The following ATP1B3 variants were observed in gnomAD, a reference collection of about 807,000 sequenced individuals.
ATP1B3 encodes ATPase Na+/K+ transporting subunit beta 3.
ATP1B3 carries 10 observed loss-of-function variants against 30.2 expected under a neutral mutation model. The ratio of observed to expected loss-of-function variants is 0.33; its 90% CI spans 0.20 to 0.56. The LOEUF is 0.56. ATP1B3 is among the 20% of genes least tolerant of loss of function. The pLI is 0.90. For synonymous variants in ATP1B3, 113 were observed against 117.0 expected, an observed-to-expected ratio of 0.97 and a Z score of 0.22; for missense variants, 238 against 336.7, an observed-to-expected ratio of 0.71 and a Z score of 2.29.
intron 1 of ATP1B3, among the ~76,000 whole-genome samples, chr3:141,890,884 C>T (rs547763557): frequency 6.6e-6 from 1 of 152,326 alleles, no homozygotes; most frequent in South Asian, 2.1e-4. Flanking sequence ...GTGTTATGTT[C>T]TTACTGGTTA....
intron 2 of ATP1B3, among the ~76,000 whole-genome samples, chr3:141,904,274 TTGAG>T (rs1305307365): frequency 6.6e-6 from 1 of 151,786 alleles, no homozygotes; most frequent in Non-Finnish European, 1.5e-5. Flanking sequence ...TCTTGAGAGT[TTGAG>T]TGGGTTTGTT....
chr3:141,895,183 CTTTTCTTTTTTTT>C (rs1934038653), intron 1 of ATP1B3, among the ~76,000 whole-genome samples: 1 of 133,044 alleles, frequency 7.5e-6, no homozygotes, highest in African/African-American at 2.8e-5. Flanking sequence ...TTTTTTCTTT[CTTTTCTTTTTTTT>C]TTTTTTTTTT....
At chr3:141,924,818 T>C (rs921735689) in intron 6 of ATP1B3, among the ~76,000 whole-genome samples, 2 of 151,992 alleles carry the variant, frequency 1.3e-5, no homozygotes, top group African/African-American at 4.8e-5. Context: ...CTGGGCGTGG[T>C]AGCGGGTGCC....
intron 1 of ATP1B3, among the ~76,000 whole-genome samples, chr3:141,877,989 G>C (rs921657834): frequency 2.6e-5 from 4 of 152,180 alleles, no homozygotes; most frequent in Admixed American, 6.5e-5. Context: ...TTTAGGATAA[G>C]CATGGAGAAA....
chr3:141,906,960 T>C (rs964739990), intron 2 of ATP1B3, among the ~76,000 whole-genome samples: 1 of 152,252 alleles, frequency 6.6e-6, no homozygotes, highest in Non-Finnish European at 1.5e-5. Flanking sequence ...TTCTAATCGG[T>C]AATGTCTGAG....
chr3:141,903,515 G>C, intron 1 of ATP1B3, 105 bp from the exon 2 acceptor site: 1 of 1,512,204 alleles, frequency 6.6e-7, no homozygotes, highest in Admixed American at 1.9e-5. Flanking sequence ...CAAAGCTTGG[G>C]ATCGTACCCT....
At chr3:141,923,419 G>A (rs1350829264) in intron 6 of ATP1B3, among the ~76,000 whole-genome samples, 1 of 152,206 alleles carries the variant, frequency 6.6e-6, no homozygotes, top group African/African-American at 2.4e-5. Context: ...CACCACCTCA[G>A]GACTCTGTTG....
Position 141,925,564 on chromosome 3 carries a change from G to A in ATP1B3, c.703G>A (p.Val235Ile). ...GYLQPLVAVQ[V>I]SFAPNNTGKE... Reference sequence around the variant, plus strand: ...TCTACAGCCATTGGTTGCTGTTCAGGTCAGCTTTGCTCCTAACAACACTGG... The same window carrying A: ...TCTACAGCCATTGGTTGCTGTTCAGATCAGCTTTGCTCCTAACAACACTGG... The change falls in exon 7 of 7, where the codon GTC becomes ATC. Residue 235 changes from valine (V) to isoleucine (I), a missense_variant. Physicochemically the swap from Val to Ile is conservative, Grantham distance 29. Transcript: ENST00000286371. 7 of 1,613,242 alleles carry A rather than the reference G, an allele frequency of 4.3e-6. No homozygotes were observed. Among genetic ancestry groups the A allele is most frequent in the Non-Finnish European group, 5.9e-6 (7 of 1,179,668 alleles).
chr3:141,894,712 C>T (rs770805521), intron 1 of ATP1B3, among the ~76,000 whole-genome samples: 2 of 152,154 alleles, frequency 1.3e-5, no homozygotes, highest in Admixed American at 6.6e-5. Flanking sequence ...GGCAGCAACA[C>T]GCATGGGGCT....
intron 3 of ATP1B3, 116 bp from the exon 4 acceptor site, chr3:141,913,536 G>T: frequency 1.2e-6 from 1 of 852,636 alleles, no homozygotes. Context: ...AAGTTATCTG[G>T]TAATTTACAT....
At chr3:141,889,788 C>CACA (rs1933906656) in intron 1 of ATP1B3, among the ~76,000 whole-genome samples, 1 of 141,256 alleles carries the variant, frequency 7.1e-6, no homozygotes, top group Admixed American at 7.1e-5. Flanking sequence ...CACACACACA[C>CACA]ACACACACGT....
At chr3:141,897,969 C>G (rs1422039676) in intron 1 of ATP1B3, among the ~76,000 whole-genome samples, 1 of 152,192 alleles carries the variant, frequency 6.6e-6, no homozygotes, top group East Asian at 1.9e-4. Flanking sequence ...CTCGGCCTCT[C>G]AAAGTGCTGG....
At chr3:141,922,383 T>C (rs1442676035) in intron 6 of ATP1B3, among the ~76,000 whole-genome samples, 1 of 152,190 alleles carries the variant, frequency 6.6e-6, no homozygotes, top group African/African-American at 2.4e-5. Context: ...CCGGGTGCGG[T>C]GGCTTACTCC....
At chr3:141,910,986 C>G (rs566790383) in intron 3 of ATP1B3, among the ~76,000 whole-genome samples, 2 of 151,368 alleles carry the variant, frequency 1.3e-5, no homozygotes, top group East Asian at 1.9e-4. Flanking sequence ...TTTCTCTTCT[C>G]TGAAAGTTTT....
At chr3:141,904,900 G>A (rs1484419040) in intron 2 of ATP1B3, among the ~76,000 whole-genome samples, 1 of 151,492 alleles carries the variant, frequency 6.6e-6, no homozygotes, top group African/African-American at 2.4e-5. Context: ...TAGTAGAGAC[G>A]GGGTTTCACC....
chr3:141,896,180 C>T (rs112586899), intron 1 of ATP1B3, among the ~76,000 whole-genome samples: 4,416 of 151,436 alleles, frequency 0.029, 101 homozygotes, highest in Middle Eastern at 0.065. Flanking sequence ...AGCAAAATCC[C>T]CTTCTCGGCT....
chr3:141,917,771 ATTTTT>A (rs751369430), intron 5 of ATP1B3, among the ~76,000 whole-genome samples: 1 of 141,012 alleles, frequency 7.1e-6, no homozygotes, highest in Non-Finnish European at 1.6e-5. Context: ...ATTTTATTTT[ATTTTT>A]TTTTTTTTGG....
chr3:141,919,898 C>A (rs937928743), intron 5 of ATP1B3, among the ~76,000 whole-genome samples: 1 of 151,974 alleles, frequency 6.6e-6, no homozygotes, highest in Non-Finnish European at 1.5e-5. Context: ...ATGATCGCGC[C>A]ACTCCACTCC....
In ATP1B3 at chr3:141,913,780, G is replaced by T. The variant is rs1285282481; in HGVS notation, c.475G>T (p.Asp159Tyr). 3.1e-6 allele frequency: 5 copies of T among 1,613,966 alleles called. No homozygotes were observed. Among genetic ancestry groups the T allele is most frequent in the Admixed American group, 1.7e-5 (1 of 59,990 alleles). The stretch of plus-strand genomic sequence containing the variant: ...ACTTCAAGCATGCAGTGGTATGAAT[G>T]ATCCTGATTTTGGCTATTCTCAAGG... ...SLLQACSGMN[D>Y]PDFGYSQGNP... Residue 159 changes from aspartate to tyrosine, a missense_variant, in exon 4 of 7, where the codon GAT becomes TAT. Around this residue, in one of 3 missense-constraint regions of ATP1B3, gnomAD observed 58 missense variants for 125.6 expected, o/e 0.46. Coordinates refer to ENST00000286371, the MANE Select transcript of ATP1B3 (RefSeq NM_001679.4).
Sources: gnomAD v4.1 joint callset for allele counts (sites outside exome capture counted in the v4.1 genomes callset) on GRCh38, gnomAD v4.1.1 for gene constraint, gnomAD v4.1.1 regional missense constraint, MANE v1.5 for transcripts, NCBI Gene and HGNC (gene_info 2026-07-23, HGNC 2026-07-21) for gene names.